DNAH17: variants seen among roughly 807,000 people sequenced by gnomAD.
DNAH17 encodes the protein axonemal beta dynein heavy chain 17.
DNAH17 carries 376 observed loss-of-function variants against 485.6 expected under a neutral mutation model. That is an observed-to-expected ratio of 0.77 (90% CI 0.71 to 0.84). DNAH17 has a LOEUF of 0.84. DNAH17 is among the 40% of genes least tolerant of loss of function. DNAH17 has a pLI of 0.00. For synonymous variants in DNAH17, 3,031 were observed against 2,405.9 expected, an observed-to-expected ratio of 1.26 and a Z score of -7.60; for missense variants, 6,370 against 5,839.3, an observed-to-expected ratio of 1.09 and a Z score of -2.96.
intron 27 of DNAH17, among the ~76,000 whole-genome samples, chr17:78,509,095 G>A (rs1478237146): frequency 2.2e-5 from 1 of 45,162 alleles, no homozygotes; most frequent in African/African-American, 1.2e-4. Flanking sequence ...GCCTCCCAAA[G>A]CGCTGGGATT....
At chr17:78,473,266 C>T (rs1403276308) in intron 54 of DNAH17, among the ~76,000 whole-genome samples, 1 of 152,096 alleles carries the variant, frequency 6.6e-6, no homozygotes, top group Non-Finnish European at 1.5e-5. Context: ...CAGTGATGGC[C>T]GGGCGCAGTG....
At chr17:78,569,643 C>A (rs917860634) in intron 7 of DNAH17, 116 bp from the exon 8 acceptor site, 33 of 1,289,394 alleles carry the variant, frequency 2.6e-5, no homozygotes, top group Non-Finnish European at 3.3e-5. Flanking sequence ...CTGAAAATAA[C>A]CCCTCCTATC....
chr17:78,551,453 T>TGG, intron 16 of DNAH17, 82 bp downstream of exon 16: 2 of 1,291,452 alleles, frequency 1.5e-6, no homozygotes, highest in Non-Finnish European at 2.2e-6. Flanking sequence ...GCACTTTCCA[T>TGG]GGGCCTCTAC....
intron 32 of DNAH17, 25 bp from the exon 33 acceptor site, chr17:78,502,723 C>T: frequency 1.2e-6 from 2 of 1,605,290 alleles, no homozygotes; most frequent in Non-Finnish European, 1.7e-6. Flanking sequence ...CCCCCATTGC[C>T]CACGCAGTGA....
At position 78,559,998 on chromosome 17, in the gene DNAH17, C is replaced by G. The variant is rs569651099; in HGVS notation, c.2031+742G>C. 2.6e-5 allele frequency among the ~76,000 whole-genome samples: 4 copies of G among 152,314 alleles called. No individual in the cohort carries two copies. In the East Asian group the frequency reaches 7.7e-4, roughly 29 times the overall value. On this transcript the variant is annotated intron_variant, in intron 13 of 80. Coordinates refer to ENST00000389840, the MANE Select transcript of DNAH17 (RefSeq NM_173628.4). The stretch of plus-strand genomic sequence containing the variant: ...ATTGCACCTGCCCCTTCTACCGGCT[C>G]TATTGATCTTCTTAACCTGCCCTTC...
intron 56 of DNAH17, among the ~76,000 whole-genome samples, chr17:78,465,971 G>T (rs914607196): frequency 1.3e-5 from 2 of 152,218 alleles, no homozygotes; most frequent in Non-Finnish European, 2.9e-5. Flanking sequence ...TGACAGTGGC[G>T]GCTTTGTGGA....
chr17:78,432,602 C>T (rs1436744789), intron 75 of DNAH17, among the ~76,000 whole-genome samples: 9 of 152,212 alleles, frequency 5.9e-5, no homozygotes, highest in Non-Finnish European at 1.3e-4. Flanking sequence ...GGTGAGGAGG[C>T]TCTGTCACAG....
At chr17:78,538,431 C>T (rs987204186) in intron 18 of DNAH17, among the ~76,000 whole-genome samples, 2 of 152,180 alleles carry the variant, frequency 1.3e-5, no homozygotes, top group Admixed American at 6.5e-5. Context: ...GCTGTGAGAT[C>T]ACACTGTGGC....
At chr17:78,505,713 T>TCA (rs2090464308) in intron 30 of DNAH17, among the ~76,000 whole-genome samples, 1 of 152,182 alleles carries the variant, frequency 6.6e-6, no homozygotes, top group African/African-American at 2.4e-5. Context: ...GCATGGTGGC[T>TCA]CACACCTGTA....
intron 1 of DNAH17, 69 bp from the exon 2 acceptor site, chr17:78,575,151 A>G (rs2092415692): frequency 9.9e-7 from 1 of 1,006,984 alleles, no homozygotes; most frequent in Admixed American, 2.7e-5. Context: ...CATCCCTGGC[A>G]CCGCAGGAAA....
At chr17:78,446,664 G>A (rs1049512099) in intron 69 of DNAH17, among the ~76,000 whole-genome samples, 1 of 151,662 alleles carries the variant, frequency 6.6e-6, no homozygotes, top group Non-Finnish European at 1.5e-5. Flanking sequence ...ATTTTTTTGA[G>A]ACAGAGTCTC....
chr17:78,527,215 T>A lies in DNAH17; in HGVS notation c.3508-219A>T, dbSNP rs190898518. On this transcript the variant is annotated intron_variant, in intron 22 of 80. Coordinates refer to ENST00000389840, the MANE Select transcript of DNAH17 (RefSeq NM_173628.4). ...CTGGGCAACAAAGTGAGACCCCATCTCTACAAAAAATACAAATTCTTTTTA... is the reference window on the plus strand; with the variant it reads ...CTGGGCAACAAAGTGAGACCCCATCACTACAAAAAATACAAATTCTTTTTA... Among the ~76,000 whole-genome samples, 146 of 152,090 alleles carry A rather than the reference T, an allele frequency of 9.6e-4. 4 individuals carry two copies. Among genetic ancestry groups the A allele is most frequent in the Admixed American group, 8.1e-3 (124 of 15,244 alleles).
chr17:78,464,522 A>T (rs557213958), intron 56 of DNAH17, among the ~76,000 whole-genome samples: 8 of 152,184 alleles, frequency 5.3e-5, no homozygotes, highest in Non-Finnish European at 1.0e-4. Context: ...TGGCCCCCCA[A>T]AGTGCTGGGA....
In DNAH17 at chr17:78,574,905, C is replaced by T; in HGVS notation, c.153G>A (p.Val51=). ...CGGCTGCATTGAGCGTCAGCACCAG[C>T]ACCTGGACGTCGGGCTTTTCAAAGA... ...TEFFEKPDVQ[V]LVLTLNAAGM... Residue 51 remains valine, a synonymous_variant, in exon 2 of 81, where the codon GTG becomes GTA. Coordinates refer to ENST00000389840, the MANE Select transcript of DNAH17 (RefSeq NM_173628.4). 1.2e-6 allele frequency: 2 copies of T among 1,614,038 alleles called. No individual in the cohort carries two copies. The highest frequency in any genetic ancestry group is 1.7e-6 in the Non-Finnish European group (2 of 1,179,872).
rs141806543 is a variant in DNAH17 at position 78,532,713 on chromosome 17, G to A, written c.2883C>T (p.Asp961=). 6 of 1,592,892 alleles carry A rather than the reference G, an allele frequency of 3.8e-6. No homozygotes were observed. The highest frequency in any genetic ancestry group is 5.1e-6 in the Non-Finnish European group (6 of 1,168,324). ...NYKMDLEDNT[D]LIEMREEVSS... is the part of the protein sequence containing the mutation. ...ACACCTCCTCCCTCATCTCTATGAG[G>A]TCTGTGTTATCTTCCAGGTCCATCT... Residue 961 remains aspartate, a synonymous_variant, in exon 20 of 81, where the codon GAC becomes GAT. Coordinates refer to ENST00000389840, the MANE Select transcript of DNAH17 (RefSeq NM_173628.4).
intron 57 of DNAH17, among the ~76,000 whole-genome samples, chr17:78,462,502 A>G (rs1348914689): frequency 6.6e-6 from 1 of 152,150 alleles, no homozygotes; most frequent in Non-Finnish European, 1.5e-5. Context: ...GCCAGGCCCC[A>G]TGGTATGAAT....
chr17:78,543,062 G>A (rs2091643714), intron 17 of DNAH17, among the ~76,000 whole-genome samples: 1 of 152,200 alleles, frequency 6.6e-6, no homozygotes, highest in South Asian at 2.1e-4. Flanking sequence ...GAAGTGTACA[G>A]CAAGGGTGGT....
chr17:78,566,544 C>G, intron 11 of DNAH17, 70 bp downstream of exon 11: 1 of 1,140,876 alleles, frequency 8.8e-7, no homozygotes, highest in Non-Finnish European at 1.3e-6. Context: ...TCTCCAAGAT[C>G]GTTCTCGACA....
At chr17:78,558,067 TA>T in intron 14 of DNAH17, 40 bp downstream of exon 14, 2 of 1,573,944 alleles carry the variant, frequency 1.3e-6, no homozygotes, top group Non-Finnish European at 1.7e-6. Context: ...ACCAAAACAA[TA>T]CAAAGCTGCA....
Sources: gnomAD v4.1 joint callset for allele counts (sites outside exome capture counted in the v4.1 genomes callset) on GRCh38, gnomAD v4.1.1 for gene constraint, MANE v1.5 for transcripts, NCBI Gene and HGNC (gene_info 2026-07-23, HGNC 2026-07-21) for gene names.